Variants in SLC38A8 observed in about 807,000 individuals in gnomAD.
SLC38A8 encodes the protein solute carrier family 38 member 8.
A neutral mutation model predicts 46.0 loss-of-function variants in SLC38A8; 65 were observed. The observed-to-expected ratio is 1.41, with a 90% CI of 1.16 to 1.74. SLC38A8 has a LOEUF of 1.74. SLC38A8 is among the 40% of genes most tolerant of loss of function. The pLI, the probability that SLC38A8 is intolerant of heterozygous loss-of-function variation, is 0.00. For synonymous variants in SLC38A8, 447 were observed against 243.7 expected (o/e 1.83, Z -7.77); for missense variants, 998 against 567.9 (o/e 1.76, Z -7.70).
chr16:84,038,622 A>C (rs565322731), intron 2 of SLC38A8, among the ~76,000 whole-genome samples: 49 of 152,336 alleles, frequency 3.2e-4, no homozygotes, highest in African/African-American at 1.2e-3. Flanking sequence ...CAAAGTCTTA[A>C]GTGTATTGCT....
At chr16:84,013,172 C>G in intron 9 of SLC38A8, 120 bp from the exon 10 acceptor site, 2 of 1,069,902 alleles carry the variant, frequency 1.9e-6, no homozygotes, top group Non-Finnish European at 2.7e-6. Flanking sequence ...ATGGGTGCCC[C>G]TGGCTCAGGC....
chr16:84,023,253 C>T (rs1057343724), intron 6 of SLC38A8, among the ~76,000 whole-genome samples: 1 of 152,070 alleles, frequency 6.6e-6, no homozygotes, highest in African/African-American at 2.4e-5. Flanking sequence ...AAATGTTCAA[C>T]TGAGGCTAGT....
Position 84,009,878 on chromosome 16 carries a change from C to T in SLC38A8, c.1215-1G>A, listed in dbSNP as rs369826950. The T allele has an allele frequency of 1.9e-6, 3 of 1,612,696 alleles. No homozygotes were observed. Among genetic ancestry groups the T allele is most frequent in the African/African-American group, 2.7e-5 (2 of 74,832 alleles). ...CACTCCCCAGACCTCCAGGCAGCAC[C>T]TGCCAAGTGAATAAACCCATGTCAG... On this transcript the variant is annotated splice_acceptor_variant, in intron 10 of 10. Transcript: ENST00000299709. LOFTEE classifies it high-confidence loss of function.
intron 2 of SLC38A8, among the ~76,000 whole-genome samples, chr16:84,040,273 G>C (rs1449912730): frequency 6.6e-6 from 1 of 152,200 alleles, no homozygotes; most frequent in Non-Finnish European, 1.5e-5. Context: ...CGTGTCAAGA[G>C]CCAGGCTGGC....
intron 7 of SLC38A8, among the ~76,000 whole-genome samples, chr16:84,020,009 C>CAGGT (rs758079519): frequency 6.6e-5 from 10 of 152,224 alleles, no homozygotes; most frequent in Non-Finnish European, 1.3e-4. Flanking sequence ...TTCTCGCAGG[C>CAGGT]AGGTGTTGCA....
chr16:84,023,027 C>A (rs943903560), intron 6 of SLC38A8, 138 bp from the exon 7 acceptor site: 1 of 616,182 alleles, frequency 1.6e-6, no homozygotes, highest in Non-Finnish European at 2.8e-6. Flanking sequence ...ATCCTTTATT[C>A]TTTAATTCAC....
chr16:84,029,484 C>G lies in SLC38A8; in HGVS notation c.690+10G>C. On this transcript the variant is annotated intron_variant, in intron 6 of 10. Transcript: ENST00000299709. ...AACGCCACAGGCTGCAACACAGATG[C>G]TAAAATTACCTGAAACCCGAAGCAG... The G allele has an allele frequency of 3.1e-6, 5 of 1,613,936 alleles. No individual in the cohort carries two copies. Among genetic ancestry groups the G allele is most frequent in the Non-Finnish European group, 4.2e-6 (5 of 1,179,922 alleles).
intron 5 of SLC38A8, among the ~76,000 whole-genome samples, chr16:84,029,895 G>C (rs533182666): frequency 6.6e-6 from 1 of 152,298 alleles, no homozygotes; most frequent in East Asian, 1.9e-4. Flanking sequence ...GGCACCCAGA[G>C]CATCCACCCA....
At position 84,009,691 on chromosome 16, in the gene SLC38A8, G is replaced by C; in HGVS notation, c.*93C>G. On this transcript the variant is annotated 3_prime_UTR_variant, in exon 11 of 11. Transcript: ENST00000299709. ...ATCAGTCTCTCCAGCATCTTTATGA[G>C]GAAAAGAAATGGCATCGGTCTCCTG... 1 of 1,086,690 alleles carries C rather than the reference G, an allele frequency of 9.2e-7. No homozygotes were observed. Among genetic ancestry groups the C allele is most frequent in the Non-Finnish European group, 1.3e-6 (1 of 756,020 alleles). 67.3% of individuals were successfully genotyped at this position (1,086,690 alleles called of 1,614,324 possible). A position where few individuals can be genotyped will look rare whatever the true frequency, so the allele number is the denominator to read the frequency against.
chr16:84,041,829 G>T, intron 2 of SLC38A8, 140 bp downstream of exon 2: 3 of 761,974 alleles, frequency 3.9e-6, no homozygotes, highest in Non-Finnish European at 6.2e-6. Flanking sequence ...CCCCTCATTA[G>T]CTGAGCGGGA....
At chr16:84,024,416 C>T (rs1172450754) in intron 6 of SLC38A8, among the ~76,000 whole-genome samples, 8 of 152,062 alleles carry the variant, frequency 5.3e-5, no homozygotes, top group African/African-American at 1.7e-4. Flanking sequence ...TGAGTTCAAG[C>T]GACCCTCCTG....
intron 6 of SLC38A8, among the ~76,000 whole-genome samples, chr16:84,027,100 C>G (rs966404034): frequency 1.3e-5 from 2 of 152,136 alleles, no homozygotes; most frequent in Non-Finnish European, 2.9e-5. Context: ...GCCTGTAATC[C>G]CAGCACTTTG....
intron 6 of SLC38A8, among the ~76,000 whole-genome samples, chr16:84,027,308 C>T (rs2085175714): frequency 6.6e-6 from 1 of 151,638 alleles, no homozygotes. Flanking sequence ...CAAGATCACA[C>T]CACTGCACTC....
At chr16:84,021,117 C>A (rs2085089733) in intron 7 of SLC38A8, among the ~76,000 whole-genome samples, 1 of 152,128 alleles carries the variant, frequency 6.6e-6, no homozygotes. Flanking sequence ...GGCTGGAGTG[C>A]AATGGTGCGA....
intron 6 of SLC38A8, among the ~76,000 whole-genome samples, chr16:84,023,495 T>G (rs886968277): frequency 6.7e-6 from 1 of 150,102 alleles, no homozygotes; most frequent in Non-Finnish European, 1.5e-5. Flanking sequence ...GCAGAGGGCG[T>G]AAGTAAATGG....
chr16:84,038,118 C>A lies in SLC38A8; in HGVS notation c.190-1218G>T, dbSNP rs557144105. Among the ~76,000 whole-genome samples the A allele has an allele frequency of 5.3e-5, 8 of 152,224 alleles. No homozygotes were observed. In the South Asian group the frequency reaches 1.7e-3, roughly 32 times the overall value. ...CTGAGGTCGGGAGTTTGAGACCAGC[C>A]TGGCCAACATGATGAAACCCCATCT... On this transcript the variant is annotated intron_variant, in intron 2 of 10. Coordinates refer to ENST00000299709, the MANE Select transcript of SLC38A8 (RefSeq NM_001080442.3).
chr16:84,031,661 G>C (rs527267249), intron 5 of SLC38A8, among the ~76,000 whole-genome samples: 82 of 152,308 alleles, frequency 5.4e-4, no homozygotes, highest in African/African-American at 1.9e-3. Context: ...GCCTGTCCCG[G>C]TCATCGCTAG....
At chr16:84,018,294 A>C (rs951705500) in intron 7 of SLC38A8, among the ~76,000 whole-genome samples, 1 of 132,582 alleles carries the variant, frequency 7.5e-6, no homozygotes, top group East Asian at 2.5e-4. Context: ...GTGCAGTGGC[A>C]CGATCTCGGC....
At chr16:84,013,168 G>C (rs2084974666) in intron 9 of SLC38A8, 116 bp from the exon 10 acceptor site, 4 of 1,177,692 alleles carry the variant, frequency 3.4e-6, no homozygotes, top group Non-Finnish European at 4.9e-6. Context: ...GCCCATGGGT[G>C]CCCCTGGCTC....
Sources: allele counts gnomAD v4.1 joint callset (sites outside exome capture counted in the v4.1 genomes callset), GRCh38; gene constraint gnomAD v4.1.1; transcripts MANE v1.5; gene names NCBI Gene and HGNC (gene_info 2026-07-23, HGNC 2026-07-21).